The following CHCHD6 variants were observed in gnomAD, a reference collection of about 807,000 sequenced individuals.
CHCHD6 encodes the protein MICOS complex subunit MIC25.
Under a neutral mutation model 32.3 loss-of-function variants are expected in CHCHD6, and 28 were observed. That is an observed-to-expected ratio of 0.87 (90% CI 0.64 to 1.19). The LOEUF (loss-of-function observed/expected upper bound fraction) is 1.19, where lower values mean the gene tolerates loss of function less well. CHCHD6 is among the 50% of genes most tolerant of loss of function. The pLI is 0.00. For missense variants in CHCHD6, 333 were observed against 307.0 expected (o/e 1.08, Z -0.63); for synonymous variants, 122 against 117.5 (o/e 1.04, Z -0.25).
At chr3:126,781,113 G>A (rs1199562460) in intron 4 of CHCHD6, among the ~76,000 whole-genome samples, 2 of 152,188 alleles carry the variant, frequency 1.3e-5, no homozygotes. Context: ...GAGGCTGCCA[G>A]AAGAGCCTGC....
At chr3:126,727,436 A>G (rs1374890101) in intron 2 of CHCHD6, among the ~76,000 whole-genome samples, 1 of 152,258 alleles carries the variant, frequency 6.6e-6, no homozygotes, top group African/African-American at 2.4e-5. Context: ...GAATTGAGGC[A>G]GAAGGACCTG....
chr3:126,806,979 A>C (rs967654009), intron 4 of CHCHD6, among the ~76,000 whole-genome samples: 1 of 145,568 alleles, frequency 6.9e-6, no homozygotes, highest in African/African-American at 2.5e-5. Context: ...GTTCTCATTC[A>C]TAGATGGGAA....
intron 5 of CHCHD6, among the ~76,000 whole-genome samples, chr3:126,888,160 A>C (rs1486053617): frequency 6.6e-6 from 1 of 152,114 alleles, no homozygotes; most frequent in African/African-American, 2.4e-5. Flanking sequence ...TTGAGGAGGG[A>C]AGGCACACAC....
chr3:126,864,452 G>T (rs1353006855), intron 5 of CHCHD6, among the ~76,000 whole-genome samples: 1 of 88,378 alleles, frequency 1.1e-5, no homozygotes, highest in African/African-American at 4.5e-5. Flanking sequence ...CATCATCACT[G>T]CCACCACCAC....
At chr3:126,884,563 G>C (rs1408312478) in intron 5 of CHCHD6, among the ~76,000 whole-genome samples, 1 of 152,168 alleles carries the variant, frequency 6.6e-6, no homozygotes, top group East Asian at 1.9e-4. Flanking sequence ...ACAAAAGCAG[G>C]TGTGTTGTTT....
chr3:126,875,094 G>T (rs547334909), intron 5 of CHCHD6, among the ~76,000 whole-genome samples: 2 of 152,350 alleles, frequency 1.3e-5, no homozygotes, highest in East Asian at 3.9e-4. Flanking sequence ...CCACTGGGCG[G>T]AGCTCAGTGT....
At chr3:126,744,380 G>A (rs1365401385) in intron 4 of CHCHD6, among the ~76,000 whole-genome samples, 4 of 152,302 alleles carry the variant, frequency 2.6e-5, no homozygotes, top group East Asian at 1.9e-4. Context: ...GTATAGAATC[G>A]AAAAGGGTTA....
chr3:126,832,912 G>A (rs924638742), intron 4 of CHCHD6, among the ~76,000 whole-genome samples: 2 of 152,326 alleles, frequency 1.3e-5, no homozygotes, highest in South Asian at 2.1e-4. Flanking sequence ...GAAAGGGTGG[G>A]GAGGACCTCA....
At chr3:126,730,750 G>T in intron 3 of CHCHD6, 120 bp downstream of exon 3, 1 of 765,572 alleles carries the variant, frequency 1.3e-6, no homozygotes, top group Non-Finnish European at 2.1e-6. Flanking sequence ...ATTAATCTCA[G>T]TTGCATTGAA....
chr3:126,828,453 G>C (rs1421055955), intron 4 of CHCHD6, among the ~76,000 whole-genome samples: 1 of 152,212 alleles, frequency 6.6e-6, no homozygotes, highest in African/African-American at 2.4e-5. Context: ...TAAGTAAAAG[G>C]GAGTGTGTGA....
At chr3:126,957,392 C>T in intron 6 of CHCHD6, 24 bp from the exon 7 acceptor site, 1 of 1,604,898 alleles carries the variant, frequency 6.2e-7, no homozygotes, top group Non-Finnish European at 8.5e-7. Flanking sequence ...GAGCCCCAGG[C>T]CTGCCTGCTC....
intron 4 of CHCHD6, among the ~76,000 whole-genome samples, chr3:126,828,815 A>T (rs1417085736): frequency 6.6e-6 from 1 of 152,128 alleles, no homozygotes; most frequent in African/African-American, 2.4e-5. Flanking sequence ...CACTATTTGT[A>T]CCACTCGGTA....
intron 4 of CHCHD6, among the ~76,000 whole-genome samples, chr3:126,771,086 T>C (rs1937533986): frequency 6.6e-6 from 1 of 151,578 alleles, no homozygotes. Context: ...ATTTATCCAC[T>C]TCTTCTAGAT....
chr3:126,770,908 A>G (rs1357327332), intron 4 of CHCHD6, among the ~76,000 whole-genome samples: 1 of 152,102 alleles, frequency 6.6e-6, no homozygotes, highest in Non-Finnish European at 1.5e-5. Context: ...AATGGTACCA[A>G]CTATTCTTTA....
At position 126,782,926 on chromosome 3, in the gene CHCHD6, G is replaced by A. The variant is rs923595907; in HGVS notation, c.411+49704G>A. Reference sequence around the variant, plus strand: ...TGATTTTTGTATATGGTGTAAGGTAGGGGTTCAGTATCAATCTTTTGCATA... The same window carrying A: ...TGATTTTTGTATATGGTGTAAGGTAAGGGTTCAGTATCAATCTTTTGCATA... On this transcript the variant is annotated intron_variant, in intron 4 of 7. Transcript: ENST00000290913. 2.0e-5 allele frequency among the ~76,000 whole-genome samples: 3 copies of A among 152,280 alleles called. 1 individual carries two copies.
chr3:126,797,832 G>A (rs1253051988), intron 4 of CHCHD6, among the ~76,000 whole-genome samples: 2 of 152,046 alleles, frequency 1.3e-5, no homozygotes, highest in Non-Finnish European at 1.5e-5. Context: ...GTGTGGTGTG[G>A]CACACCAAGC....
chr3:126,826,110 A>G (rs1940382163), intron 4 of CHCHD6, among the ~76,000 whole-genome samples: 3 of 152,254 alleles, frequency 2.0e-5, no homozygotes, highest in Admixed American at 6.5e-5. Context: ...GTAGCCGGGT[A>G]AAGCCTTTAT....
At chr3:126,940,227 G>T (rs555575103) in intron 6 of CHCHD6, among the ~76,000 whole-genome samples, 1 of 152,336 alleles carries the variant, frequency 6.6e-6, no homozygotes, top group Admixed American at 6.5e-5. Context: ...TCCTGCTTCA[G>T]TTTGGTGACA....
At chr3:126,800,885 G>C (rs1335986710) in intron 4 of CHCHD6, among the ~76,000 whole-genome samples, 2 of 152,166 alleles carry the variant, frequency 1.3e-5, no homozygotes, top group Non-Finnish European at 2.9e-5. Context: ...TGGAAATTTA[G>C]AAGTTCTTCA....
Sources: allele counts gnomAD v4.1 joint callset (sites outside exome capture counted in the v4.1 genomes callset), GRCh38; gene constraint gnomAD v4.1.1; transcripts MANE v1.5; gene names NCBI Gene and HGNC (gene_info 2026-07-23, HGNC 2026-07-21).